The following IQSEC3 variants were observed in gnomAD, a reference collection of about 807,000 sequenced individuals.
IQSEC3 encodes the protein IQ motif and SEC7 domain-containing protein 3.
Under a neutral mutation model 105.4 loss-of-function variants are expected in IQSEC3, and 50 were observed. The ratio of observed to expected loss-of-function variants is 0.47; its 90% CI spans 0.38 to 0.60. The LOEUF is 0.60. IQSEC3 is among the 20% of genes least tolerant of loss of function. The pLI, the probability that IQSEC3 is intolerant of heterozygous loss-of-function variation, is 0.00. For missense variants in IQSEC3, 1,415 were observed against 1,630.0 expected (o/e 0.87, Z 2.27); for synonymous variants, 708 against 746.0 (o/e 0.95, Z 0.83).
intron 5 of IQSEC3, among the ~76,000 whole-genome samples, chr12:145,642 G>C (rs1366770300): frequency 1.3e-5 from 2 of 152,218 alleles, no homozygotes; most frequent in African/African-American, 2.4e-5. Context: ...AGGAAGCCCG[G>C]TCCAGAAGCT....
chr12:86,807 G>A (rs533111686), intron 1 of IQSEC3, among the ~76,000 whole-genome samples: 3 of 152,080 alleles, frequency 2.0e-5, no homozygotes. Context: ...TACAGTTCAG[G>A]AGACCGAGGC....
At chr12:168,953 C>A in intron 11 of IQSEC3, 60 bp from the exon 12 acceptor site, 1 of 1,418,958 alleles carries the variant, frequency 7.0e-7, no homozygotes, top group Non-Finnish European at 1.0e-6. Flanking sequence ...CATTTCCTGC[C>A]TCGCCTCTGT....
intron 2 of IQSEC3, among the ~76,000 whole-genome samples, chr12:101,572 C>T (rs1235271764): frequency 6.6e-6 from 1 of 152,142 alleles, no homozygotes; most frequent in Non-Finnish European, 1.5e-5. Context: ...CGGGGGCCCT[C>T]CCCCTGGCTG....
At chr12:158,950 C>T (rs1310185311) in intron 7 of IQSEC3, among the ~76,000 whole-genome samples, 3 of 152,206 alleles carry the variant, frequency 2.0e-5, no homozygotes, top group Non-Finnish European at 4.4e-5. Flanking sequence ...TGAGCCACCA[C>T]GCCTGGCCCT....
chr12:114,490 G>C (rs953384), intron 2 of IQSEC3, among the ~76,000 whole-genome samples: 146,861 of 152,256 alleles, frequency 0.96, 71,032 homozygotes, highest in East Asian at 1. Context: ...GGATAGAGCC[G>C]AATATTCAAA....
chr12:167,871 T>C (rs1466793256), intron 11 of IQSEC3, among the ~76,000 whole-genome samples: 1 of 152,224 alleles, frequency 6.6e-6, no homozygotes, highest in Non-Finnish European at 1.5e-5. Flanking sequence ...AAACAAGGTT[T>C]GCATCCAATG....
Position 138,871 on chromosome 12 carries a change from C to G in IQSEC3, c.1508C>G (p.Thr503Arg). 6.2e-7 allele frequency: 1 copy of G among 1,612,026 alleles called. No individual in the cohort carries two copies. The highest frequency in any genetic ancestry group is 1.1e-5 in the South Asian group (1 of 90,682). The change falls in exon 4 of 14, where the codon ACG (threonine) becomes AGG (arginine). Residue 503 changes from threonine (T) to arginine (R), a missense_variant. By Grantham distance (71) the Thr-to-Arg change is moderately conservative. Coordinates refer to ENST00000538872, the MANE Select transcript of IQSEC3 (RefSeq NM_001170738.2). The surrounding 1 kb of genome is among the most constrained non-coding windows in gnomAD (Gnocchi z 7.1). ...ANQNISVSSS[T>R]ALSVANCLGA... ...CAGAACATATCCGTCTCCTCCTCCA[C>G]GGCTCTGTCGGTGGCCAACTGCCTG...
chr12:165,670 C>T, intron 10 of IQSEC3, 59 bp from the exon 11 acceptor site: 1 of 1,601,546 alleles, frequency 6.2e-7, no homozygotes, highest in Non-Finnish European at 8.5e-7. Context: ...GTCTGGCTGG[C>T]TCTGGCCCTC....
At chr12:145,215 C>T (rs11061641) in intron 5 of IQSEC3, among the ~76,000 whole-genome samples, 28,072 of 152,184 alleles carry the variant, frequency 0.18, 2,872 homozygotes, top group East Asian at 0.29. Flanking sequence ...ATGAATCAAA[C>T]GTTTTCAATG....
At position 139,037 on chromosome 12, in the gene IQSEC3, G is replaced by T. The variant is rs782368481; in HGVS notation, c.1674G>T (p.Ala558=). ...CCGAGGACTCATGCGCAGAGGCTGC[G>T]GCTAGTGGGGCGGCGGATGGGGCCA... is the stretch of plus-strand genomic sequence containing the variant. ...ASAEDSCAEA[A]ASGAADGATA... The change falls in exon 4 of 14, where the codon GCG becomes GCT. Residue 558 remains alanine, a synonymous_variant. Transcript: ENST00000538872. The T allele has an allele frequency of 1.3e-6, 2 of 1,488,974 alleles. No individual in the cohort carries two copies. The highest frequency in any genetic ancestry group is 1.8e-6 in the Non-Finnish European group (2 of 1,119,096). 92.2% of individuals were successfully genotyped at this position (1,488,974 alleles called of 1,614,324 possible). A position where few individuals can be genotyped will look rare whatever the true frequency, so the allele number is the denominator to read the frequency against.
chr12:165,111 C>T (rs1188262504), intron 9 of IQSEC3, among the ~76,000 whole-genome samples: 2 of 152,194 alleles, frequency 1.3e-5, no homozygotes, highest in Admixed American at 6.5e-5. Context: ...TGGAACTGAG[C>T]TTGCCCTTCT....
Position 138,410 on chromosome 12 carries a change from G to T in IQSEC3, c.1047G>T (p.Arg349=). The T allele has an allele frequency of 6.2e-7, 1 of 1,609,654 alleles. No individual in the cohort carries two copies. The highest frequency in any genetic ancestry group is 8.5e-7 in the Non-Finnish European group (1 of 1,179,874). ...RNSLLESRLP[R]RISLRKVRSP... is the part of the protein sequence containing the mutation. ...CGCTTCTGGAGAGCCGCCTGCCACG[G>T]CGGATCTCCCTGCGCAAGGTGCGGT... Residue 349 remains arginine (R), a synonymous_variant, in exon 4 of 14, where the codon CGG becomes CGT. Coordinates refer to ENST00000538872, the MANE Select transcript of IQSEC3 (RefSeq NM_001170738.2). The surrounding 1 kb of genome is among the most constrained non-coding windows in gnomAD (Gnocchi z 7.1).
chr12:71,274 T>G (rs564710353), intron 1 of IQSEC3, among the ~76,000 whole-genome samples: 35 of 152,386 alleles, frequency 2.3e-4, no homozygotes, highest in African/African-American at 8.4e-4. Flanking sequence ...TGGAAACTAT[T>G]AAGAAAGAAA....
intron 3 of IQSEC3, among the ~76,000 whole-genome samples, chr12:135,601 G>A (rs1865737768): frequency 6.6e-6 from 1 of 152,194 alleles, no homozygotes; most frequent in Non-Finnish European, 1.5e-5. Context: ...TTACCAATTG[G>A]TTGATTTTGA....
At chr12:169,140 A>T in intron 12 of IQSEC3, 35 bp downstream of exon 12, 1 of 1,575,584 alleles carries the variant, frequency 6.3e-7, no homozygotes, top group Non-Finnish European at 8.7e-7. Flanking sequence ...ACCAGTCCCC[A>T]TGGAGGCCAC....
chr12:160,273 C>A (rs1381455577), intron 7 of IQSEC3, among the ~76,000 whole-genome samples: 5 of 151,992 alleles, frequency 3.3e-5, no homozygotes, highest in African/African-American at 1.2e-4. Flanking sequence ...AAGAGTGAGC[C>A]ACCAGAAAGC....
intron 11 of IQSEC3, among the ~76,000 whole-genome samples, chr12:168,049 G>C (rs1282116580): frequency 1.3e-5 from 2 of 152,198 alleles, no homozygotes; most frequent in East Asian, 3.9e-4. Flanking sequence ...GGGGCCTACG[G>C]TTCAGTGTCC....
At chr12:140,251 C>T (rs1311222432) in intron 4 of IQSEC3, 1 of 151,690 alleles carries the variant, frequency 6.6e-6, no homozygotes, top group Non-Finnish European at 1.5e-5. Flanking sequence ...TTACATAAAG[C>T]ATCTGTAATC....
chr12:136,923 A>G (rs2136992434), intron 3 of IQSEC3, among the ~76,000 whole-genome samples: 1 of 152,240 alleles, frequency 6.6e-6, no homozygotes, highest in Admixed American at 6.5e-5. Context: ...GAGCGTAGCA[A>G]CCTGAGAGGA....
Sources: allele counts gnomAD v4.1 joint callset (sites outside exome capture counted in the v4.1 genomes callset), GRCh38; gene constraint gnomAD v4.1.1; non-coding constraint Gnocchi (gnomAD v3.1); transcripts MANE v1.5; gene names NCBI Gene and HGNC (gene_info 2026-07-23, HGNC 2026-07-21).